The following FLCN variants were observed in gnomAD, a reference collection of about 807,000 sequenced individuals.
FLCN encodes BHD skin lesion fibrofolliculoma protein.
FLCN carries 22 observed loss-of-function variants against 62.5 expected under a neutral mutation model. The ratio of observed to expected loss-of-function variants is 0.35; its 90% CI spans 0.25 to 0.50. The LOEUF (loss-of-function observed/expected upper bound fraction) is 0.50, where lower values mean the gene tolerates loss of function less well. Ranked by LOEUF, FLCN falls within the 20% of genes least tolerant of loss-of-function variation. The pLI, the probability that FLCN is intolerant of heterozygous loss-of-function variation, is 0.97. For missense variants in FLCN, 657 were observed against 778.0 expected, an observed-to-expected ratio of 0.84 and a Z score of 1.85; for synonymous variants, 319 against 310.0, an observed-to-expected ratio of 1.03 and a Z score of -0.30.
chr17:17,226,445 A>G, intron 4 of FLCN, 123 bp from the exon 5 acceptor site: 1 of 1,130,642 alleles, frequency 8.8e-7, no homozygotes, highest in African/African-American at 1.5e-5. Context: ...ATTGGCTTCC[A>G]GATTTATACT....
chr17:17,213,645 G>A lies in FLCN; in HGVS notation c.*10C>T, dbSNP rs1361073991. ...GCCATCCCTGTCTTTAGGCAGGTGT[G>A]TGTGACGGGTCAGTTCCGAGACTCC... is the stretch of plus-strand genomic sequence containing the variant. On this transcript the variant is annotated 3_prime_UTR_variant, in exon 14 of 14. Transcript: ENST00000285071. 4 of 1,614,032 alleles carry A rather than the reference G, an allele frequency of 2.5e-6. No homozygotes were observed. The African/African-American group carries it at 4.0e-5, about 16-fold the overall frequency.
chr17:17,215,978 A>G (rs2046907419), intron 11 of FLCN, among the ~76,000 whole-genome samples: 1 of 152,124 alleles, frequency 6.6e-6, no homozygotes, highest in South Asian at 2.1e-4. Context: ...GCTGGAGGAG[A>G]GCAGAAGTCA....
rs41371953 is a variant in FLCN, at chr17:17,216,935, C to T, written c.1176+134G>A. The T allele has an allele frequency of 5.9e-5, 43 of 731,616 alleles. No homozygotes were observed. Among genetic ancestry groups the T allele is most frequent in the African/African-American group, 2.4e-4 (14 of 57,794 alleles). 45.3% of individuals were successfully genotyped at this position (731,616 alleles called of 1,614,324 possible). On this transcript the variant is annotated intron_variant, in intron 10 of 13. Transcript: ENST00000285071. This position sits in a 1 kb window ranked among gnomAD's most constrained non-coding sequence, Gnocchi z 4.0. ...CAGACCCGGGTCTCCGTGCCCACTG[C>T]GCCCCCAGTGGAGACCGTGTGGTGC...
rs1046193185 is a variant in FLCN, at chr17:17,232,861, A to T, written c.-187T>A. The T allele has an allele frequency of 6.6e-6, 1 of 152,446 alleles. No homozygotes were observed. The highest frequency in any genetic ancestry group is 1.5e-5 in the Non-Finnish European group (1 of 68,046). The allele number at this position is 152,446 out of a possible 1,614,324, so 9.4% of individuals were successfully genotyped here. A position where few individuals can be genotyped will look rare whatever the true frequency, so the allele number is the denominator to read the frequency against. On this transcript the variant is annotated 5_prime_UTR_variant, in exon 2 of 14. Coordinates refer to ENST00000285071, the MANE Select transcript of FLCN (RefSeq NM_144997.7). ...ACACGAGGCTGCTGCCAAATGGGTC[A>T]GGCATGGTGGTGGCAGACACCCTTG...
At chr17:17,230,512 A>G (rs1470814341) in intron 3 of FLCN, among the ~76,000 whole-genome samples, 1 of 151,986 alleles carries the variant, frequency 6.6e-6, no homozygotes, top group Non-Finnish European at 1.5e-5. Context: ...CCTGGGCAAC[A>G]AAGTGAGACT....
rs1597612758 is a variant in FLCN, at chr17:17,226,210, A to G, written c.362T>C (p.Val121Ala). ...CAGGCTCCGGACACAGGCCTGGCGG[A>G]CAATGCTGAAGAGCTGGGGGTGGCT... ...HPSHPQLFSI[V>A]RQACVRSLSC... Residue 121 changes from valine to alanine, a missense_variant, in exon 5 of 14, where the codon GTC becomes GCC. By Grantham distance (64) the Val-to-Ala change is moderately conservative. Coordinates refer to ENST00000285071, the MANE Select transcript of FLCN (RefSeq NM_144997.7). 2.0e-5 allele frequency: 32 copies of G among 1,613,922 alleles called. No homozygotes were observed. Among genetic ancestry groups the G allele is most frequent in the Non-Finnish European group, 2.7e-5 (32 of 1,180,002 alleles).
intron 1 of FLCN, among the ~76,000 whole-genome samples, chr17:17,233,598 CAAAAAAAA>C (rs71152852): frequency 1.3e-5 from 1 of 75,288 alleles, no homozygotes; most frequent in Non-Finnish European, 2.4e-5. Context: ...GACTCCATCT[CAAAAAAAA>C]AAAAAAAAAA....
intron 4 of FLCN, among the ~76,000 whole-genome samples, chr17:17,226,807 G>A (rs558293142): frequency 1.3e-5 from 2 of 152,318 alleles, no homozygotes; most frequent in East Asian, 3.9e-4. Context: ...TAAATAGGGC[G>A]AGCACCAAGC....
Position 17,213,279 on chromosome 17 carries a change from C to A in FLCN, c.*376G>T. ...AGTAGAAACGCTTGAATGTTAACCT[C>A]GGGAGCAGACATGTTATTGCGACTG... On this transcript the variant is annotated 3_prime_UTR_variant, in exon 14 of 14. Transcript: ENST00000285071. The A allele has an allele frequency of 2.3e-6, 1 of 429,888 alleles. No individual in the cohort carries two copies. Among genetic ancestry groups the A allele is most frequent in the Non-Finnish European group, 4.3e-6 (1 of 230,688 alleles). 26.6% of individuals were successfully genotyped at this position (429,888 alleles called of 1,614,324 possible).
In FLCN at chr17:17,215,363, C is replaced by T. The variant is rs199726816; in HGVS notation, c.1301-47G>A. ...GGCTCCTCATCTCCCCCATGCTCCT[C>T]ACCTCCCCTGCGCTAGCCCACCGTG... On this transcript the variant is annotated intron_variant, in intron 11 of 13. Coordinates refer to ENST00000285071, the MANE Select transcript of FLCN (RefSeq NM_144997.7). 1.4e-4 allele frequency: 218 copies of T among 1,612,456 alleles called. 2 individuals are homozygous for T. In the Admixed American group the frequency reaches 3.6e-3, roughly 26 times the overall value.
chr17:17,222,718 C>G (rs2047133783), intron 6 of FLCN, 57 bp from the exon 7 acceptor site: 2 of 1,610,584 alleles, frequency 1.2e-6, no homozygotes, highest in African/African-American at 2.7e-5. Flanking sequence ...GCAGCTCGGA[C>G]CCCTACTCGT....
chr17:17,214,921 G>T, intron 13 of FLCN, 64 bp downstream of exon 13: 1 of 1,553,662 alleles, frequency 6.4e-7, no homozygotes, highest in Non-Finnish European at 8.9e-7. Flanking sequence ...CTCCTCTTTT[G>T]GAAACAGCTC....
Position 17,215,096 on chromosome 17 carries a change from G to A in FLCN, c.1433-6C>T. On this transcript the variant is annotated splice_polypyrimidine_tract_variant and splice_region_variant and intron_variant, in intron 12 of 13. Coordinates refer to ENST00000285071, the MANE Select transcript of FLCN (RefSeq NM_144997.7). Reference sequence around the variant, plus strand: ...ATTCAGGATGGTGGGGCCCACTGGGGAGAAGGGCAGGGGCAGAGCAAGGGC... The same window carrying A: ...ATTCAGGATGGTGGGGCCCACTGGGAAGAAGGGCAGGGGCAGAGCAAGGGC... 5 of 1,614,022 alleles carry A rather than the reference G, an allele frequency of 3.1e-6. No individual in the cohort carries two copies. The highest frequency in any genetic ancestry group is 4.2e-6 in the Non-Finnish European group (5 of 1,179,972).
Position 17,213,456 on chromosome 17 carries a change from T to C in FLCN, c.*199A>G. The C allele has an allele frequency of 1.5e-6, 1 of 677,466 alleles. No individual in the cohort carries two copies. The highest frequency in any genetic ancestry group is 2.6e-6 in the Non-Finnish European group (1 of 389,214). The allele number at this position is 677,466 out of a possible 1,614,324, so 42.0% of individuals were successfully genotyped here. On this transcript the variant is annotated 3_prime_UTR_variant, in exon 14 of 14. Coordinates refer to ENST00000285071, the MANE Select transcript of FLCN (RefSeq NM_144997.7). The stretch of plus-strand genomic sequence containing the variant: ...CGCCTTTCATTGCCATCTTCAGCGA[T>C]TCCAACGGCTGGAGGGAGAGTCTGG...
chr17:17,221,167 G>C (rs954591930), intron 8 of FLCN: 1 of 1,450,164 alleles, frequency 6.9e-7, no homozygotes, highest in South Asian at 1.4e-5. Flanking sequence ...AACTTGGGAC[G>C]AACTGAAACA....
intron 4 of FLCN, among the ~76,000 whole-genome samples, chr17:17,227,104 A>G (rs2047273790): frequency 6.6e-6 from 1 of 152,176 alleles, no homozygotes; most frequent in African/African-American, 2.4e-5. Context: ...CAGCTCTTAC[A>G]CGTCCTCTGC....
intron 1 of FLCN, among the ~76,000 whole-genome samples, chr17:17,233,988 G>A (rs549991024): frequency 6.6e-6 from 1 of 151,678 alleles, no homozygotes; most frequent in African/African-American, 2.4e-5. Flanking sequence ...CTCCCTAAGT[G>A]CTAGGATTAC....
intron 8 of FLCN, chr17:17,220,673 A>G (rs1712199583): frequency 6.5e-6 from 1 of 154,302 alleles, no homozygotes; most frequent in African/African-American, 2.4e-5. Flanking sequence ...TTCGTGCTAA[A>G]AAGCTCACCA....
At chr17:17,218,078 T>C (rs1425016021) in intron 9 of FLCN, among the ~76,000 whole-genome samples, 1 of 152,162 alleles carries the variant, frequency 6.6e-6, no homozygotes, top group East Asian at 1.9e-4. Context: ...CAAAAACAAA[T>C]AACTCTCTTC....
Sources: allele counts gnomAD v4.1 joint callset (sites outside exome capture counted in the v4.1 genomes callset), GRCh38; gene constraint gnomAD v4.1.1; non-coding constraint Gnocchi (gnomAD v3.1); transcripts MANE v1.5; gene names NCBI Gene and HGNC (gene_info 2026-07-23, HGNC 2026-07-21).